CCSER1: variants seen among roughly 807,000 people sequenced by gnomAD.
The protein encoded by CCSER1 is serine-rich coiled-coil domain-containing protein 1.
CCSER1 carries 41 observed loss-of-function variants against 82.0 expected under a neutral mutation model. The ratio of observed to expected loss-of-function variants is 0.50; its 90% CI spans 0.39 to 0.65. The LOEUF is 0.65. Among genes scored for constraint, CCSER1 ranks in the 30% least tolerant of loss-of-function variants. The pLI, the probability that CCSER1 is intolerant of heterozygous loss-of-function variation, is 0.00. For missense variants in CCSER1, 1,119 were observed against 1,064.2 expected, an observed-to-expected ratio of 1.05 and a Z score of -0.72; for synonymous variants, 414 against 383.9, an observed-to-expected ratio of 1.08 and a Z score of -0.92.
At chr4:91,334,948 G>A (rs1337703037) in intron 10 of CCSER1, among the ~76,000 whole-genome samples, 1 of 152,038 alleles carries the variant, frequency 6.6e-6, no homozygotes, top group African/African-American at 2.4e-5. Context: ...TTCAGTGTTT[G>A]TGTGTTGAAT....
chr4:90,260,460 G>T (rs1488949854), intron 1 of CCSER1, among the ~76,000 whole-genome samples: 1 of 152,100 alleles, frequency 6.6e-6, no homozygotes, highest in East Asian at 1.9e-4. Flanking sequence ...ATAGGTTTAG[G>T]ATTGTAATGT....
intron 10 of CCSER1, among the ~76,000 whole-genome samples, chr4:91,179,367 A>G (rs779012966): frequency 6.6e-6 from 1 of 152,224 alleles, no homozygotes; most frequent in Non-Finnish European, 1.5e-5. Context: ...AGGTTGGGGA[A>G]GTTCTCATGG....
At chr4:91,167,716 A>G (rs939098625) in intron 10 of CCSER1, among the ~76,000 whole-genome samples, 3 of 152,224 alleles carry the variant, frequency 2.0e-5, no homozygotes, top group African/African-American at 4.8e-5. Flanking sequence ...GGGAATATAT[A>G]TGATTTACCT....
intron 10 of CCSER1, among the ~76,000 whole-genome samples, chr4:91,360,307 G>A (rs960684006): frequency 1.3e-5 from 2 of 151,654 alleles, no homozygotes; most frequent in Non-Finnish European, 2.9e-5. Flanking sequence ...ATGAAAAAAA[G>A]ATCTACTAAA....
intron 10 of CCSER1, among the ~76,000 whole-genome samples, chr4:91,171,032 T>G (rs573967038): frequency 2.6e-5 from 4 of 152,322 alleles, no homozygotes; most frequent in African/African-American, 9.6e-5. Flanking sequence ...ATGCACATGT[T>G]GTAGTCTTTG....
chr4:90,448,262 T>G (rs1430902670), intron 4 of CCSER1, among the ~76,000 whole-genome samples: 2 of 151,744 alleles, frequency 1.3e-5, no homozygotes, highest in Non-Finnish European at 2.9e-5. Flanking sequence ...GATTTTATCT[T>G]ATGTTTGGAT....
chr4:90,317,330 C>T (rs976776623), intron 3 of CCSER1, among the ~76,000 whole-genome samples: 4 of 151,994 alleles, frequency 2.6e-5, no homozygotes, highest in East Asian at 1.9e-4. Context: ...TAAAAAATAC[C>T]GCTGGGCGTG....
At chr4:90,346,059 G>C (rs1302485762) in intron 3 of CCSER1, among the ~76,000 whole-genome samples, 2 of 151,564 alleles carry the variant, frequency 1.3e-5, no homozygotes, top group Non-Finnish European at 2.9e-5. Context: ...TCTGCCATAT[G>C]ACCTGTGCAC....
intron 1 of CCSER1, among the ~76,000 whole-genome samples, chr4:90,168,399 A>C (rs568308533): frequency 8.6e-4 from 131 of 152,042 alleles, no homozygotes; most frequent in African/African-American, 2.3e-3. Context: ...GAGTAGATTG[A>C]AAAAATTTTC....
At chr4:91,058,576 A>G (rs907649621) in intron 9 of CCSER1, among the ~76,000 whole-genome samples, 4 of 151,966 alleles carry the variant, frequency 2.6e-5, no homozygotes, top group Non-Finnish European at 5.9e-5. Flanking sequence ...TCTCATTATT[A>G]TTTACTCAAA....
At chr4:90,434,544 TAAG>T (rs1758752630) in intron 4 of CCSER1, among the ~76,000 whole-genome samples, 1 of 152,116 alleles carries the variant, frequency 6.6e-6, no homozygotes, top group African/African-American at 2.4e-5. Flanking sequence ...TTTTAAATGA[TAAG>T]AAGCAGTTTG....
chr4:91,413,033 A>T (rs2149374335), intron 10 of CCSER1, among the ~76,000 whole-genome samples: 1 of 152,278 alleles, frequency 6.6e-6, no homozygotes, highest in South Asian at 2.1e-4. Flanking sequence ...ATTAGAAGCC[A>T]TAAAAAAAGA....
chr4:91,582,247 C>G (rs1253911311), intron 10 of CCSER1, among the ~76,000 whole-genome samples: 2 of 151,526 alleles, frequency 1.3e-5, no homozygotes, highest in South Asian at 4.1e-4. Flanking sequence ...CTATAAGGAA[C>G]AGGCAGAAGA....
At chr4:90,646,431 G>C (rs77331738) in intron 6 of CCSER1, among the ~76,000 whole-genome samples, 20 of 152,090 alleles carry the variant, frequency 1.3e-4, no homozygotes, top group African/African-American at 4.8e-4. Context: ...AGTTGGAAGG[G>C]ATCTTAAAAA....
intron 8 of CCSER1, among the ~76,000 whole-genome samples, chr4:90,895,501 C>T (rs1279459772): frequency 1.3e-5 from 2 of 151,860 alleles, no homozygotes; most frequent in Non-Finnish European, 2.9e-5. Flanking sequence ...CCTTAAGCAC[C>T]TCTTTCAAAA....
In CCSER1 at chr4:91,204,697, G is replaced by C. The variant is rs139979995; in HGVS notation, c.2217+118703G>C. 5.8e-3 allele frequency among the ~76,000 whole-genome samples: 873 copies of C among 151,764 alleles called. 8 individuals are homozygous for C. The highest frequency in any genetic ancestry group is 0.02 in the African/African-American group (835 of 41,468). On this transcript the variant is annotated intron_variant, in intron 10 of 10. Transcript: ENST00000509176. The stretch of plus-strand genomic sequence containing the variant: ...TCCCTTAAAATTAAGACATTATGCT[G>C]TTTGTAGAATTTACTTTTTCTTCAA...
chr4:90,202,716 G>A (rs1053774595), intron 1 of CCSER1, among the ~76,000 whole-genome samples: 1 of 152,188 alleles, frequency 6.6e-6, no homozygotes, highest in Non-Finnish European at 1.5e-5. Flanking sequence ...ATTTAGGAAT[G>A]CTTTCTAATT....
At chr4:90,834,998 T>A (rs1036212581) in intron 8 of CCSER1, among the ~76,000 whole-genome samples, 2 of 152,214 alleles carry the variant, frequency 1.3e-5, no homozygotes, top group African/African-American at 4.8e-5. Context: ...AAAGTATGTT[T>A]TTCATCTGCA....
intron 10 of CCSER1, among the ~76,000 whole-genome samples, chr4:91,398,760 T>C (rs1167783050): frequency 1.3e-5 from 2 of 151,624 alleles, no homozygotes; most frequent in Non-Finnish European, 2.9e-5. Flanking sequence ...ATATCCTTCA[T>C]CAAGCCTATT....
Sources: gnomAD v4.1 joint callset for allele counts (sites outside exome capture counted in the v4.1 genomes callset) on GRCh38, gnomAD v4.1.1 for gene constraint, MANE v1.5 for transcripts, NCBI Gene and HGNC (gene_info 2026-07-23, HGNC 2026-07-21) for gene names.